Variants in GPC5 observed in about 807,000 individuals in gnomAD.
The protein encoded by GPC5 is glypican-5.
Under a neutral mutation model 53.9 loss-of-function variants are expected in GPC5, and 47 were observed. That is an observed-to-expected ratio of 0.87 (90% CI 0.69 to 1.11). The LOEUF is 1.11. Among genes scored for constraint, GPC5 ranks in the 50% most tolerant of loss-of-function variants. GPC5 has a pLI of 0.00. For synonymous variants in GPC5, 286 were observed against 263.3 expected (o/e 1.09, Z -0.84); for missense variants, 748 against 713.1 (o/e 1.05, Z -0.56).
At chr13:92,768,617 T>TC in intron 7 of GPC5, among the ~76,000 whole-genome samples, 1 of 152,086 alleles carries the variant, frequency 6.6e-6, no homozygotes, top group East Asian at 1.9e-4. Flanking sequence ...GAAAAATCTT[T>TC]CCCCCATAGT....
At chr13:91,768,194 A>G (rs1042672308) in intron 5 of GPC5, among the ~76,000 whole-genome samples, 6 of 152,186 alleles carry the variant, frequency 3.9e-5, no homozygotes, top group African/African-American at 1.2e-4. Flanking sequence ...TATTCATAAT[A>G]TATTTTTCTT....
In GPC5 at chr13:92,347,868, ATATATAATATATATTATATATAT is replaced by A. The variant is rs2043429356; in HGVS notation, c.1561+202886_1561+202908del. 6.9e-4 allele frequency among the ~76,000 whole-genome samples: 6 copies of A among 8,650 alleles called. 2 individuals carry two copies. The East Asian group carries it at 9.0e-3, about 13-fold the overall frequency. 5.7% of individuals were successfully genotyped at this position (8,650 alleles called of 152,430 possible). On this transcript the variant is annotated intron_variant, in intron 7 of 7. Transcript: ENST00000377067. ...GCTGTTTTATACATATATATATTATATATATAATATATATTATATATATTATATATATAATATATATATAATAT... is the reference window on the plus strand; with the variant it reads ...GCTGTTTTATACATATATATATTATATATATATATAATATATATATAATAT...
At chr13:92,566,951 T>C (rs143203362) in intron 7 of GPC5, among the ~76,000 whole-genome samples, 1 of 152,186 alleles carries the variant, frequency 6.6e-6, no homozygotes, top group Non-Finnish European at 1.5e-5. Context: ...AAATATTTGA[T>C]GACACATTGA....
At chr13:92,086,744 C>T (rs149403012) in intron 6 of GPC5, among the ~76,000 whole-genome samples, 190 of 152,110 alleles carry the variant, frequency 1.2e-3, no homozygotes, top group African/African-American at 4.5e-3. Flanking sequence ...CCACAACCTC[C>T]ACCTCCCAGG....
chr13:92,377,437 AAATT>A (rs1362206910), intron 7 of GPC5, among the ~76,000 whole-genome samples: 5 of 152,338 alleles, frequency 3.3e-5, no homozygotes, highest in Middle Eastern at 3.4e-3. Context: ...GTAAAGGAAT[AAATT>A]AATTGTCTCT....
chr13:92,663,509 C>T (rs1320334087), intron 7 of GPC5, among the ~76,000 whole-genome samples: 2 of 149,124 alleles, frequency 1.3e-5, no homozygotes, highest in East Asian at 2.0e-4. Context: ...GAGGCTTAGA[C>T]GGGCAGAACA....
intron 7 of GPC5, among the ~76,000 whole-genome samples, chr13:92,586,338 T>G (rs1489956143): frequency 6.6e-6 from 1 of 152,196 alleles, no homozygotes; most frequent in Non-Finnish European, 1.5e-5. Context: ...TAAAAGACCA[T>G]GCACTATTCT....
At chr13:92,161,955 C>CTA (rs2041991206) in intron 7 of GPC5, among the ~76,000 whole-genome samples, 2 of 25,506 alleles carry the variant, frequency 7.8e-5, no homozygotes, top group African/African-American at 1.6e-4. Context: ...TAATATATAG[C>CTA]CATATATATA....
intron 7 of GPC5, among the ~76,000 whole-genome samples, chr13:92,630,248 A>T (rs1474491673): frequency 6.6e-6 from 1 of 152,158 alleles, no homozygotes; most frequent in Non-Finnish European, 1.5e-5. Flanking sequence ...AAGCACAGGG[A>T]AGTAACAGAT....
intron 7 of GPC5, among the ~76,000 whole-genome samples, chr13:92,287,204 C>T (rs138554006): frequency 1.3e-5 from 2 of 152,252 alleles, no homozygotes; most frequent in African/African-American, 4.8e-5. Flanking sequence ...TGCTTCAGTC[C>T]ATAGTGTTCA....
In GPC5 at chr13:92,414,937, A is replaced by T. The variant is rs553685563; in HGVS notation, c.1561+269948A>T. Among the ~76,000 whole-genome samples, 143 of 152,310 alleles carry T rather than the reference A, an allele frequency of 9.4e-4. 1 individual carries two copies. The highest frequency in any genetic ancestry group is 3.3e-3 in the Admixed American group (51 of 15,302). Reference sequence around the variant, plus strand: ...ATCACATTGGGGATTAAGTTTCAGCATACGCATTTTCGGGGATATAGACAT... The same window carrying T: ...ATCACATTGGGGATTAAGTTTCAGCTTACGCATTTTCGGGGATATAGACAT... On this transcript the variant is annotated intron_variant, in intron 7 of 7. Coordinates refer to ENST00000377067, the MANE Select transcript of GPC5 (RefSeq NM_004466.6).
At chr13:92,751,978 C>CTAAT (rs1378949689) in intron 7 of GPC5, among the ~76,000 whole-genome samples, 1 of 151,324 alleles carries the variant, frequency 6.6e-6, no homozygotes, top group African/African-American at 2.4e-5. Context: ...TCATTTGTAT[C>CTAAT]TAATTATGTT....
intron 7 of GPC5, among the ~76,000 whole-genome samples, chr13:92,681,962 C>A (rs1887123927): frequency 6.6e-6 from 1 of 152,144 alleles, no homozygotes; most frequent in Non-Finnish European, 1.5e-5. Context: ...TATGACAGTG[C>A]AAGATATTTG....
chr13:92,363,635 C>T (rs2139284787), intron 7 of GPC5, among the ~76,000 whole-genome samples: 1 of 151,786 alleles, frequency 6.6e-6, no homozygotes, highest in East Asian at 1.9e-4. Context: ...AGTCCAGGGC[C>T]TGGGGGTTTG....
chr13:92,692,329 A>G (rs913066158), intron 7 of GPC5, among the ~76,000 whole-genome samples: 2 of 152,046 alleles, frequency 1.3e-5, no homozygotes, highest in African/African-American at 4.8e-5. Flanking sequence ...TAGTGCTGCA[A>G]TGAATATACA....
intron 7 of GPC5, among the ~76,000 whole-genome samples, chr13:92,206,175 T>G (rs1439610554): frequency 1.4e-5 from 2 of 147,920 alleles, no homozygotes; most frequent in Non-Finnish European, 3.0e-5. Context: ...TTATTTTTTT[T>G]TTTTTTTTGA....
chr13:92,339,635 T>C (rs147644695), intron 7 of GPC5, among the ~76,000 whole-genome samples: 1 of 152,210 alleles, frequency 6.6e-6, no homozygotes, highest in African/African-American at 2.4e-5. Context: ...ATGAAAAATG[T>C]TCTGTGGATG....
intron 6 of GPC5, among the ~76,000 whole-genome samples, chr13:92,105,076 T>C (rs1299990804): frequency 6.6e-6 from 1 of 152,084 alleles, no homozygotes; most frequent in Non-Finnish European, 1.5e-5. Flanking sequence ...GGAGTTAGGA[T>C]ATTCCTAACT....
chr13:91,585,759 G>A (rs1027781407), intron 2 of GPC5, among the ~76,000 whole-genome samples: 10 of 152,030 alleles, frequency 6.6e-5, no homozygotes, highest in Admixed American at 5.2e-4. Context: ...ATTAGAATAT[G>A]CACATAGTTT....
Sources: allele counts gnomAD v4.1 joint callset (sites outside exome capture counted in the v4.1 genomes callset), GRCh38; gene constraint gnomAD v4.1.1; transcripts MANE v1.5; gene names NCBI Gene and HGNC (gene_info 2026-07-23, HGNC 2026-07-21).